Variants in RIMBP2 observed in about 807,000 individuals in gnomAD.
RIMBP2 encodes RIMS-binding protein 2.
RIMBP2 carries 48 observed loss-of-function variants against 118.6 expected under a neutral mutation model. The observed-to-expected ratio is 0.40, with a 90% CI of 0.32 to 0.51. RIMBP2 has a LOEUF of 0.51. Among genes scored for constraint, RIMBP2 ranks in the 20% least tolerant of loss-of-function variants. The pLI is 0.41. For missense variants in RIMBP2, 1,551 were observed against 1,768.3 expected (o/e 0.88, Z 2.20); for synonymous variants, 762 against 742.9 (o/e 1.03, Z -0.42).
At position 130,612,613 on chromosome 12, in the gene RIMBP2, T is replaced by C. The variant is rs948645737; in HGVS notation, c.-217+15709A>G. Among the ~76,000 whole-genome samples the C allele has an allele frequency of 2.6e-5, 4 of 152,322 alleles. No homozygotes were observed. The East Asian group carries it at 7.7e-4, about 29-fold the overall frequency. On this transcript the variant is annotated intron_variant, in intron 2 of 22. Coordinates refer to ENST00000690449, the MANE Select transcript of RIMBP2 (RefSeq NM_001393629.1). ...ATAATTAAAACACCATTTGACAGGA[T>C]GGTGAAGACCGTGGTGGCAAGACTT...
At chr12:130,510,674 G>A (rs945121141) in intron 3 of RIMBP2, among the ~76,000 whole-genome samples, 5 of 152,104 alleles carry the variant, frequency 3.3e-5, no homozygotes, top group African/African-American at 9.7e-5. Flanking sequence ...TTGTCATGTT[G>A]GCCAGGCTGG....
At chr12:130,486,295 C>T (rs1050894870) in intron 4 of RIMBP2, among the ~76,000 whole-genome samples, 5 of 152,094 alleles carry the variant, frequency 3.3e-5, no homozygotes, top group East Asian at 1.9e-4. Context: ...CTCTGGCCCC[C>T]GTGGGGCGCG....
intron 1 of RIMBP2, among the ~76,000 whole-genome samples, chr12:130,643,332 G>A (rs2062706732): frequency 6.6e-6 from 1 of 152,214 alleles, no homozygotes; most frequent in African/African-American, 2.4e-5. Flanking sequence ...TCCTGTGTCA[G>A]GGAGAGGTGA....
In RIMBP2 at chr12:130,434,974, G is replaced by A. The variant is rs963692402; in HGVS notation, c.2107-94C>T. 2 of 1,339,374 alleles carry A rather than the reference G, an allele frequency of 1.5e-6. No homozygotes were observed. Among genetic ancestry groups the A allele is most frequent in the Non-Finnish European group, 2.0e-6 (2 of 986,950 alleles). 83.0% of individuals were successfully genotyped at this position (1,339,374 alleles called of 1,614,324 possible). A position where few individuals can be genotyped will look rare whatever the true frequency, so the allele number is the denominator to read the frequency against. On this transcript the variant is annotated intron_variant, in intron 13 of 22. Transcript: ENST00000690449. This position sits in a 1 kb window ranked among gnomAD's most constrained non-coding sequence, Gnocchi z 5.7. ...TTCACCAAACCTTCAGCCCCTCAGA[G>A]CCTGGCCAGGCACCCCCCACACAGT...
chr12:130,621,087 T>C lies in RIMBP2; in HGVS notation c.-217+7235A>G, dbSNP rs906953852. Among the ~76,000 whole-genome samples the C allele has an allele frequency of 6.6e-6, 1 of 151,948 alleles. No individual in the cohort carries two copies. The highest frequency in any genetic ancestry group is 2.4e-5 in the African/African-American group (1 of 41,332). On this transcript the variant is annotated intron_variant, in intron 2 of 22. Coordinates refer to ENST00000690449, the MANE Select transcript of RIMBP2 (RefSeq NM_001393629.1). This position sits in a 1 kb window ranked among gnomAD's most constrained non-coding sequence, Gnocchi z 6.6. Reference sequence around the variant, plus strand: ...AGATGGAGTCACCCCTTAGTGAGGGTGGGTTCATTTTTTTACCAGCACCCT... The same window carrying C: ...AGATGGAGTCACCCCTTAGTGAGGGCGGGTTCATTTTTTTACCAGCACCCT...
intron 1 of RIMBP2, among the ~76,000 whole-genome samples, chr12:130,714,284 C>G (rs1950173323): frequency 6.6e-6 from 1 of 152,162 alleles, no homozygotes; most frequent in South Asian, 2.1e-4. Flanking sequence ...CAGTGTAGGG[C>G]CCACCGCTTG....
intron 2 of RIMBP2, among the ~76,000 whole-genome samples, chr12:130,614,448 G>A (rs189761522): frequency 1.0e-3 from 156 of 152,254 alleles, no homozygotes; most frequent in Middle Eastern, 3.4e-3. Context: ...AACAGACAGC[G>A]CTGGGGTATA....
intron 6 of RIMBP2, among the ~76,000 whole-genome samples, chr12:130,468,088 T>G (rs920272434): frequency 6.6e-6 from 1 of 152,172 alleles, no homozygotes; most frequent in Non-Finnish European, 1.5e-5. Flanking sequence ...CACCTAGACA[T>G]GAAACCCCCA....
intron 1 of RIMBP2, among the ~76,000 whole-genome samples, chr12:130,706,521 C>T (rs2066128866): frequency 6.6e-6 from 1 of 152,256 alleles, no homozygotes. Flanking sequence ...CACGGAGCAG[C>T]TCCCCGCACA....
intron 4 of RIMBP2, among the ~76,000 whole-genome samples, chr12:130,489,128 T>C (rs1485060749): frequency 1.3e-5 from 2 of 152,230 alleles, no homozygotes; most frequent in African/African-American, 4.8e-5. Context: ...AATTAAATTC[T>C]TTCATGTCTT....
rs139645556 is a variant in RIMBP2 at position 130,702,594 on chromosome 12, G to A, written c.-352+13628C>T. ...AAGGAAGGAAGGAAGGAAGAAGGGA[G>A]GGAGGAAGGAAGGAAGGAACCACAT... On this transcript the variant is annotated intron_variant, in intron 1 of 22. Coordinates refer to ENST00000690449, the MANE Select transcript of RIMBP2 (RefSeq NM_001393629.1). Among the ~76,000 whole-genome samples the A allele has an allele frequency of 7.2e-3, 1,032 of 144,114 alleles. 18 individuals are homozygous for A. The highest frequency in any genetic ancestry group is 0.025 in the African/African-American group (984 of 39,312). The allele number at this position is 144,114 out of a possible 152,430, so 94.5% of individuals were successfully genotyped here.
Position 130,628,633 on chromosome 12 carries a change from T to C in RIMBP2, c.-351-177A>G, listed in dbSNP as rs972652700. Among the ~76,000 whole-genome samples, 3 of 152,206 alleles carry C rather than the reference T, an allele frequency of 2.0e-5. No homozygotes were observed. In the East Asian group the frequency reaches 5.8e-4, roughly 29 times the overall value. ...AGGGACAGATTTGAAACTGAACTCATGGTCCTCCCAGCCTGAGATTTTTCT... is the reference window on the plus strand; with the variant it reads ...AGGGACAGATTTGAAACTGAACTCACGGTCCTCCCAGCCTGAGATTTTTCT... On this transcript the variant is annotated intron_variant, in intron 1 of 22. Coordinates refer to ENST00000690449, the MANE Select transcript of RIMBP2 (RefSeq NM_001393629.1).
At chr12:130,568,719 G>A (rs2057413714) in intron 2 of RIMBP2, among the ~76,000 whole-genome samples, 1 of 152,012 alleles carries the variant, frequency 6.6e-6, no homozygotes, top group Admixed American at 6.5e-5. Context: ...ACACTTCCAG[G>A]TCCCCAATCC....
At chr12:130,626,251 G>A (rs966473902) in intron 2 of RIMBP2, among the ~76,000 whole-genome samples, 1 of 152,188 alleles carries the variant, frequency 6.6e-6, no homozygotes, top group African/African-American at 2.4e-5. Context: ...AGGAATCAGA[G>A]GACTGGGTGT....
At position 130,610,639 on chromosome 12, in the gene RIMBP2, C is replaced by A. The variant is rs994162080; in HGVS notation, c.-217+17683G>T. ...GCAGTGGCGCGATCTCGGCTCACTG[C>A]AAGCTCCGCCTCCCGGGTTCACGCC... On this transcript the variant is annotated intron_variant, in intron 2 of 22. Transcript: ENST00000690449. Among the ~76,000 whole-genome samples the A allele has an allele frequency of 7.2e-5, 10 of 139,486 alleles. No individual in the cohort carries two copies. In the South Asian group the frequency reaches 1.9e-3, roughly 26 times the overall value. 91.5% of individuals were successfully genotyped at this position (139,486 alleles called of 152,430 possible).
At position 130,523,377 on chromosome 12, in the gene RIMBP2, C is replaced by T. The variant is rs1264354846; in HGVS notation, c.-216-5460G>A. 6.6e-6 allele frequency among the ~76,000 whole-genome samples: 1 copy of T among 152,188 alleles called. No individual in the cohort carries two copies. Among genetic ancestry groups the T allele is most frequent in the African/African-American group, 2.4e-5 (1 of 41,450 alleles). On this transcript the variant is annotated intron_variant, in intron 2 of 22. Coordinates refer to ENST00000690449, the MANE Select transcript of RIMBP2 (RefSeq NM_001393629.1). This position sits in a 1 kb window ranked among gnomAD's most constrained non-coding sequence, Gnocchi z 4.4. ...CCTCCAGGACTGAGAGAGAGGAGAG[C>T]TCTGTCATTTAAGCTGCCCGGTCTG...
At chr12:130,667,078 A>AGAGAGGGAGGGAG (rs2063967853) in intron 1 of RIMBP2, among the ~76,000 whole-genome samples, 1 of 59,098 alleles carries the variant, frequency 1.7e-5, no homozygotes, top group African/African-American at 6.9e-5. Flanking sequence ...GGAGGGAGGA[A>AGAGAGGGAGGGAG]AAAATGAGGG....
intron 2 of RIMBP2, among the ~76,000 whole-genome samples, chr12:130,539,442 C>T (rs1435358927): frequency 1.3e-5 from 2 of 152,232 alleles, no homozygotes; most frequent in East Asian, 3.9e-4. Context: ...GCTGTGGGCA[C>T]CTCGAGGGAG....
At chr12:130,408,110 A>G (rs1165380621) in intron 19 of RIMBP2, among the ~76,000 whole-genome samples, 2 of 152,228 alleles carry the variant, frequency 1.3e-5, no homozygotes, top group Non-Finnish European at 2.9e-5. Context: ...TGAGACTCAC[A>G]TGAAGCACGG....
Sources: gnomAD v4.1 joint callset for allele counts (sites outside exome capture counted in the v4.1 genomes callset) on GRCh38, gnomAD v4.1.1 for gene constraint, Gnocchi (gnomAD v3.1) non-coding constraint, MANE v1.5 for transcripts, NCBI Gene and HGNC (gene_info 2026-07-23, HGNC 2026-07-21) for gene names.